Variants in GSE1 observed in about 807,000 individuals in gnomAD.
GSE1 encodes genetic suppressor element 1.
Under a neutral mutation model 112.6 loss-of-function variants are expected in GSE1, and 32 were observed. The ratio of observed to expected loss-of-function variants is 0.28; its 90% CI spans 0.21 to 0.38. The LOEUF is 0.38. Among genes scored for constraint, GSE1 ranks in the 10% least tolerant of loss-of-function variants. GSE1 has a pLI of 1.00. For synonymous variants in GSE1, 1,115 were observed against 735.6 expected, an observed-to-expected ratio of 1.52 and a Z score of -8.35; for missense variants, 2,348 against 1,699.2, an observed-to-expected ratio of 1.38 and a Z score of -6.71.
chr16:85,192,940 G>A (rs1295006156), intron 1 of GSE1, among the ~76,000 whole-genome samples: 1 of 152,226 alleles, frequency 6.6e-6, no homozygotes, highest in Non-Finnish European at 1.5e-5. Flanking sequence ...TGCTGGCTGT[G>A]TGCCTGCGCC....
In GSE1 at chr16:85,192,083, C is replaced by T. The variant is rs1180498901; in HGVS notation, c.2283+20276C>T. On this transcript the variant is annotated intron_variant, in intron 1 of 2. Transcript: ENST00000637419. ...CCTAAGTTCCGCCATCCAGAGCTTCCAGCCCTTTTTTGCTCATGCACATTC... is the reference window on the plus strand; with the variant it reads ...CCTAAGTTCCGCCATCCAGAGCTTCTAGCCCTTTTTTGCTCATGCACATTC... 3.9e-5 allele frequency among the ~76,000 whole-genome samples: 6 copies of T among 152,250 alleles called. No homozygotes were observed. In the East Asian group the frequency reaches 5.8e-4, roughly 15 times the overall value.
At position 85,478,931 on chromosome 16, in the gene GSE1, T is replaced by C. The variant is rs571687528; in HGVS notation, c.2464+121288T>C. On this transcript the variant is annotated intron_variant, in intron 2 of 2. Transcript: ENST00000637419. ...TCTTTCTTTCTTTCTTTCTTTCTCT[T>C]TCTTTCTTTCTTTCTTTTTTTTTCT... Among the ~76,000 whole-genome samples the C allele has an allele frequency of 2.9e-3, 260 of 89,450 alleles. 21 individuals carry two copies. Among genetic ancestry groups the C allele is most frequent in the African/African-American group, 0.013 (246 of 18,470 alleles). The allele number at this position is 89,450 out of a possible 152,430, so 58.7% of individuals were successfully genotyped here.
At chr16:85,246,997 G>C (rs1451562030) in intron 1 of GSE1, among the ~76,000 whole-genome samples, 2 of 152,026 alleles carry the variant, frequency 1.3e-5, no homozygotes, top group Non-Finnish European at 2.9e-5. Context: ...TCGGGGGTGG[G>C]GGTCCCTAGA....
intron 1 of GSE1, among the ~76,000 whole-genome samples, chr16:85,201,883 C>T (rs1283763312): frequency 1.3e-5 from 2 of 152,214 alleles, no homozygotes; most frequent in Admixed American, 1.3e-4. Flanking sequence ...TTCAGGGCCT[C>T]CTGGATTTCA....
chr16:85,354,629 C>T (rs554518727), intron 1 of GSE1, among the ~76,000 whole-genome samples: 39 of 152,324 alleles, frequency 2.6e-4, no homozygotes, highest in East Asian at 1.5e-3. Flanking sequence ...GGACAGGGGT[C>T]GAGACTGGGG....
At chr16:85,428,750 C>A (rs926218801) in intron 2 of GSE1, among the ~76,000 whole-genome samples, 1 of 152,162 alleles carries the variant, frequency 6.6e-6, no homozygotes, top group Non-Finnish European at 1.5e-5. Context: ...ATTCACCTCC[C>A]ACCCCCCATT....
At chr16:85,197,105 C>T (rs1415488841) in intron 1 of GSE1, among the ~76,000 whole-genome samples, 3 of 152,206 alleles carry the variant, frequency 2.0e-5, no homozygotes, top group Non-Finnish European at 2.9e-5. Flanking sequence ...TATTGAGCAC[C>T]TCCTGCATGC....
chr16:85,528,211 T>A (rs182764458), intron 2 of GSE1, among the ~76,000 whole-genome samples: 276 of 152,332 alleles, frequency 1.8e-3, no homozygotes, highest in Non-Finnish European at 2.9e-3. Flanking sequence ...AACAAACAGA[T>A]CAACAGATGA....
At position 85,668,185 on chromosome 16, in the gene GSE1, C is replaced by A. The variant is rs749335517; in HGVS notation, c.3176C>A (p.Thr1059Lys). ...GCAGAGCAGAACCACAAGGTTGACACGTCCGTCCACTACAACATTCCTGAG... is the reference window on the plus strand; with the variant it reads ...GCAGAGCAGAACCACAAGGTTGACAAGTCCGTCCACTACAACATTCCTGAG... ...LSAEQNHKVD[T>K]SVHYNIPELQ... The change falls in exon 14 of 16, where the codon ACG becomes AAG. Residue 1059 changes from threonine (T) to lysine (K), a missense_variant. Coordinates refer to ENST00000253458, the MANE Select transcript of GSE1 (RefSeq NM_014615.5). The A allele has an allele frequency of 6.2e-7, 1 of 1,607,832 alleles. No homozygotes were observed. The highest frequency in any genetic ancestry group is 1.1e-5 in the South Asian group (1 of 90,660).
At chr16:85,434,467 A>G (rs928883652) in intron 2 of GSE1, among the ~76,000 whole-genome samples, 1 of 152,140 alleles carries the variant, frequency 6.6e-6, no homozygotes, top group East Asian at 1.9e-4. Context: ...CATGTTACAG[A>G]TGAGGAAATT....
intron 1 of GSE1, among the ~76,000 whole-genome samples, chr16:85,627,869 G>A (rs1051477823): frequency 9.2e-5 from 14 of 152,210 alleles, no homozygotes; most frequent in African/African-American, 3.1e-4. Flanking sequence ...CCCTCTCCCC[G>A]CCATCCCTGT....
chr16:85,498,484 C>T (rs767411012), intron 2 of GSE1, among the ~76,000 whole-genome samples: 1 of 152,146 alleles, frequency 6.6e-6, no homozygotes, highest in Non-Finnish European at 1.5e-5. Context: ...GATGTGTACA[C>T]ACATGCATAC....
intron 2 of GSE1, among the ~76,000 whole-genome samples, chr16:85,390,150 G>T (rs2047803917): frequency 6.6e-6 from 1 of 152,140 alleles, no homozygotes; most frequent in Non-Finnish European, 1.5e-5. Flanking sequence ...TGTACAAAGG[G>T]AACTGTGTAT....
intron 2 of GSE1, among the ~76,000 whole-genome samples, chr16:85,639,505 T>TG (rs2050269398): frequency 6.7e-6 from 1 of 148,810 alleles, no homozygotes; most frequent in African/African-American, 2.5e-5. Context: ...GCGCCAGGCC[T>TG]AGCCTGCCTT....
chr16:85,624,258 C>G (rs1303042976), intron 1 of GSE1, among the ~76,000 whole-genome samples: 1 of 152,208 alleles, frequency 6.6e-6, no homozygotes, highest in African/African-American at 2.4e-5. Flanking sequence ...TCATCCGTTC[C>G]TCTGCCCAGG....
chr16:85,233,870 C>A (rs539174886), intron 1 of GSE1, among the ~76,000 whole-genome samples: 1 of 152,030 alleles, frequency 6.6e-6, no homozygotes, highest in African/African-American at 2.4e-5. Flanking sequence ...CCTTTGGAGC[C>A]GACACAGGTT....
At chr16:85,618,494 G>T (rs929502965) in intron 1 of GSE1, among the ~76,000 whole-genome samples, 2 of 152,204 alleles carry the variant, frequency 1.3e-5, no homozygotes, top group Non-Finnish European at 2.9e-5. Context: ...TGCTTAGCCT[G>T]TGTGACCTCA....
intron 1 of GSE1, among the ~76,000 whole-genome samples, chr16:85,570,230 C>G (rs1275467461): frequency 6.6e-6 from 1 of 152,192 alleles, no homozygotes; most frequent in Admixed American, 6.5e-5. Context: ...CAGTGTCCAT[C>G]TTCAAGGACC....
intron 1 of GSE1, among the ~76,000 whole-genome samples, chr16:85,573,497 C>T (rs115442425): frequency 4.2e-4 from 64 of 152,320 alleles, no homozygotes; most frequent in African/African-American, 1.5e-3. Flanking sequence ...GGGACTGCTG[C>T]ACCTTCTGGT....
Sources: allele counts gnomAD v4.1 joint callset (sites outside exome capture counted in the v4.1 genomes callset), GRCh38; gene constraint gnomAD v4.1.1; transcripts MANE v1.5; gene names NCBI Gene and HGNC (gene_info 2026-07-23, HGNC 2026-07-21).